Variants in PPP6R3 observed in about 807,000 individuals in gnomAD.
PPP6R3 encodes protein phosphatase 6 regulatory subunit 3.
A neutral mutation model predicts 110.7 loss-of-function variants in PPP6R3; 38 were observed. The observed-to-expected ratio is 0.34, with a 90% CI of 0.26 to 0.45. PPP6R3 has a LOEUF of 0.45. Among genes scored for constraint, PPP6R3 ranks in the 20% least tolerant of loss-of-function variants. The pLI is 1.00. For synonymous variants in PPP6R3, 369 were observed against 373.5 expected, an observed-to-expected ratio of 0.99 and a Z score of 0.14; for missense variants, 870 against 1,062.4, an observed-to-expected ratio of 0.82 and a Z score of 2.52.
chr11:68,552,685 C>A (rs185150205), intron 6 of PPP6R3, among the ~76,000 whole-genome samples: 2 of 152,152 alleles, frequency 1.3e-5, no homozygotes, highest in Non-Finnish European at 2.9e-5. Context: ...CCGTGGAGAG[C>A]CATGACAGGA....
intron 1 of PPP6R3, among the ~76,000 whole-genome samples, chr11:68,483,568 C>T (rs529033258): frequency 2.0e-5 from 3 of 149,938 alleles, no homozygotes; most frequent in Admixed American, 2.0e-4. Context: ...TTGTAACCTC[C>T]GCCTCTCAGG....
intron 1 of PPP6R3, among the ~76,000 whole-genome samples, chr11:68,497,630 C>A (rs1034244586): frequency 1.3e-5 from 2 of 152,222 alleles, no homozygotes; most frequent in African/African-American, 4.8e-5. Flanking sequence ...GCTGGGACTA[C>A]AGGCATGAGC....
chr11:68,587,827 G>C, intron 15 of PPP6R3, 100 bp from the exon 16 acceptor site: 1 of 996,692 alleles, frequency 1.0e-6, no homozygotes, highest in East Asian at 2.4e-5. Flanking sequence ...TAGCCCTATG[G>C]CTATGTAAAT....
chr11:68,599,832 G>C (rs1217068828), intron 19 of PPP6R3, among the ~76,000 whole-genome samples: 2 of 152,148 alleles, frequency 1.3e-5, no homozygotes, highest in South Asian at 2.1e-4. Context: ...GTTAGAAATG[G>C]GAGGTTTGAG....
chr11:68,538,676 A>ATC (rs2099286906), intron 3 of PPP6R3, among the ~76,000 whole-genome samples: 1 of 152,086 alleles, frequency 6.6e-6, no homozygotes, highest in African/African-American at 2.4e-5. Flanking sequence ...CGTCTTGGGG[A>ATC]GAAATGTGCT....
At chr11:68,557,798 G>A (rs141110597) in intron 7 of PPP6R3, among the ~76,000 whole-genome samples, 3 of 152,324 alleles carry the variant, frequency 2.0e-5, no homozygotes, top group East Asian at 1.9e-4. Flanking sequence ...GATTACAGGC[G>A]TGAGCCACTG....
intron 1 of PPP6R3, among the ~76,000 whole-genome samples, chr11:68,512,119 G>C (rs1289327253): frequency 6.6e-6 from 1 of 152,172 alleles, no homozygotes; most frequent in African/African-American, 2.4e-5. Flanking sequence ...GATAAAGTTT[G>C]ACTGTGTATA....
chr11:68,464,152 G>A (rs973185522), intron 1 of PPP6R3, among the ~76,000 whole-genome samples: 6 of 152,060 alleles, frequency 3.9e-5, no homozygotes, highest in Non-Finnish European at 8.8e-5. Flanking sequence ...AATTTTTTTT[G>A]AGATGAGTCT....
intron 1 of PPP6R3, among the ~76,000 whole-genome samples, chr11:68,511,807 T>G (rs2508835): frequency 0.012 from 1,670 of 144,608 alleles, 19 homozygotes; most frequent in African/African-American, 0.014. Context: ...GTGTGTGTGT[T>G]TTTTAAATGT....
intron 14 of PPP6R3, among the ~76,000 whole-genome samples, chr11:68,580,279 A>G (rs982375356): frequency 1.3e-5 from 2 of 152,218 alleles, no homozygotes; most frequent in African/African-American, 4.8e-5. Context: ...TTTTTAGTCT[A>G]TGGTAATTTT....
chr11:68,594,639 A>G (rs2099607983), intron 18 of PPP6R3, among the ~76,000 whole-genome samples: 1 of 152,106 alleles, frequency 6.6e-6, no homozygotes, highest in Non-Finnish European at 1.5e-5. Context: ...GTATTATAAT[A>G]CTAAGCTGCC....
Position 68,613,980 on chromosome 11 carries a change from C to T in PPP6R3, c.*863C>T. 1 of 984,250 alleles carries T rather than the reference C, an allele frequency of 1.0e-6. No individual in the cohort carries two copies. The highest frequency in any genetic ancestry group is 1.2e-6 in the Non-Finnish European group (1 of 829,724). The allele number at this position is 984,250 out of a possible 1,614,324, so 61.0% of individuals were successfully genotyped here. On this transcript the variant is annotated 3_prime_UTR_variant, in exon 24 of 24. Coordinates refer to ENST00000393800, the MANE Select transcript of PPP6R3 (RefSeq NM_001164161.2). ...GTTCATCTGCCTTTTAACCCATTCA[C>T]CAAAATTTACCTTGTTAACAAGCAT...
chr11:68,528,998 G>T (rs1374974880), intron 2 of PPP6R3, among the ~76,000 whole-genome samples: 1 of 152,196 alleles, frequency 6.6e-6, no homozygotes, highest in Non-Finnish European at 1.5e-5. Context: ...CAGAGGTTCG[G>T]TGTAAACACG....
At chr11:68,546,989 T>A (rs2099351733) in intron 4 of PPP6R3, among the ~76,000 whole-genome samples, 1 of 152,248 alleles carries the variant, frequency 6.6e-6, no homozygotes, top group Non-Finnish European at 1.5e-5. Flanking sequence ...TGAAGTTTTA[T>A]ATCATAATGC....
chr11:68,536,012 T>C (rs1331949099), intron 2 of PPP6R3, among the ~76,000 whole-genome samples: 3 of 151,988 alleles, frequency 2.0e-5, no homozygotes, highest in African/African-American at 7.2e-5. Context: ...AATTATATGC[T>C]CATATAAAAT....
chr11:68,500,207 G>A (rs2099041030), intron 1 of PPP6R3, among the ~76,000 whole-genome samples: 1 of 151,880 alleles, frequency 6.6e-6, no homozygotes, highest in Admixed American at 6.6e-5. Flanking sequence ...AGACTTGAAA[G>A]TTCTAGTTTC....
intron 3 of PPP6R3, among the ~76,000 whole-genome samples, chr11:68,543,104 C>A (rs1428874677): frequency 3.3e-5 from 5 of 152,174 alleles, no homozygotes; most frequent in African/African-American, 9.7e-5. Flanking sequence ...CTCTTCCCAG[C>A]CTTTTTTACT....
intron 2 of PPP6R3, among the ~76,000 whole-genome samples, chr11:68,526,583 C>T (rs2099199575): frequency 1.3e-5 from 2 of 152,176 alleles, no homozygotes; most frequent in African/African-American, 4.8e-5. Flanking sequence ...CCTCTATTCA[C>T]ACACCCTCAC....
intron 18 of PPP6R3, among the ~76,000 whole-genome samples, chr11:68,594,465 C>T (rs769636130): frequency 8.6e-5 from 13 of 151,826 alleles, no homozygotes; most frequent in Non-Finnish European, 1.6e-4. Context: ...GAGACCAGCT[C>T]GAGGAACATA....
Sources: gnomAD v4.1 joint callset for allele counts (sites outside exome capture counted in the v4.1 genomes callset) on GRCh38, gnomAD v4.1.1 for gene constraint, MANE v1.5 for transcripts, NCBI Gene and HGNC (gene_info 2026-07-23, HGNC 2026-07-21) for gene names.